Variants in CCDC178 observed in about 807,000 individuals in gnomAD.
CCDC178 encodes the protein coiled-coil domain containing 178.
In CCDC178, 126 loss-of-function variants were observed where a neutral mutation model predicts 117.4. The observed-to-expected ratio is 1.07, with a 90% confidence interval of 0.93 to 1.24. The LOEUF (loss-of-function observed/expected upper bound fraction) is 1.24. Among genes scored for constraint, CCDC178 ranks in the 50% most tolerant of loss-of-function variants. The probability of loss-of-function intolerance (pLI) is 0.00; values close to 1 mark genes in which losing one functional copy is unlikely to be tolerated. For missense variants in CCDC178, 1,030 were observed against 986.9 expected (o/e 1.04, Z -0.59); for synonymous variants, 283 against 313.4 (o/e 0.90, Z 1.02).
chr18:33,367,917 A>G (rs2063236559), intron 6 of CCDC178, among the ~76,000 whole-genome samples: 1 of 152,040 alleles, frequency 6.6e-6, no homozygotes, highest in Non-Finnish European at 1.5e-5. Context: ...ACTCGTATTT[A>G]TTTATTCATA....
intron 21 of CCDC178, among the ~76,000 whole-genome samples, chr18:33,089,423 C>T (rs575264287): frequency 6.6e-6 from 1 of 152,008 alleles, no homozygotes; most frequent in Admixed American, 6.6e-5. Context: ...ATAGCAAATT[C>T]CCCAGGATTA....
chr18:33,347,224 G>T (rs1398429428), intron 8 of CCDC178, among the ~76,000 whole-genome samples: 2 of 152,022 alleles, frequency 1.3e-5, no homozygotes, highest in African/African-American at 4.8e-5. Flanking sequence ...AAGAAATAAG[G>T]CCCCGAAAGA....
At position 33,010,399 on chromosome 18, in the gene CCDC178, G is replaced by A. The variant is rs560583447; in HGVS notation, c.2389-35718C>T. Among the ~76,000 whole-genome samples the A allele has an allele frequency of 5.7e-4, 87 of 152,272 alleles. 1 individual carries two copies. Among genetic ancestry groups the A allele is most frequent in the Middle Eastern group, 3.4e-3 (1 of 294 alleles). On this transcript the variant is annotated intron_variant, in intron 21 of 22. Coordinates refer to ENST00000383096, the MANE Select transcript of CCDC178 (RefSeq NM_001105528.4). ...TCACTGTCACCATTGTCAAAGCACT[G>A]TAGTGTGGGAAATGAACCACAAATA...
chr18:33,246,885 C>T (rs1215942343), intron 14 of CCDC178, among the ~76,000 whole-genome samples: 2 of 151,822 alleles, frequency 1.3e-5, no homozygotes, highest in Non-Finnish European at 1.5e-5. Flanking sequence ...ATGTTATCCC[C>T]AATATCATCT....
chr18:33,123,758 A>C (rs1009377949), intron 20 of CCDC178, among the ~76,000 whole-genome samples: 3 of 152,142 alleles, frequency 2.0e-5, no homozygotes, highest in Non-Finnish European at 4.4e-5. Flanking sequence ...CTTGTTGCCA[A>C]TTTGGGAGCT....
chr18:33,069,487 A>G (rs550597819), intron 21 of CCDC178, among the ~76,000 whole-genome samples: 2 of 152,250 alleles, frequency 1.3e-5, no homozygotes, highest in South Asian at 4.1e-4. Context: ...AGAAGAATTA[A>G]ACTATATTTC....
At chr18:33,383,402 C>T (rs2063460100) in intron 5 of CCDC178, among the ~76,000 whole-genome samples, 1 of 151,998 alleles carries the variant, frequency 6.6e-6, no homozygotes, top group Admixed American at 6.6e-5. Context: ...TTCCTTGACC[C>T]CCATGCCTCC....
At chr18:33,143,004 T>C (rs1372607261) in intron 20 of CCDC178, among the ~76,000 whole-genome samples, 1 of 152,166 alleles carries the variant, frequency 6.6e-6, no homozygotes, top group Non-Finnish European at 1.5e-5. Context: ...GTTATTCTCC[T>C]TATTAAAATA....
rs556306039 is a variant in CCDC178, at chr18:33,061,809, A to G, written c.2388+30952T>C. Among the ~76,000 whole-genome samples, 97 of 152,272 alleles carry G rather than the reference A, an allele frequency of 6.4e-4. 1 individual carries two copies. The highest frequency in any genetic ancestry group is 2.3e-3 in the African/African-American group (94 of 41,552). ...GATGTGTTTTTTTTCAGCAGTGGCA[A>G]GATTTGGCATGGTAGACATCTACAG... On this transcript the variant is annotated intron_variant, in intron 21 of 22. Coordinates refer to ENST00000383096, the MANE Select transcript of CCDC178 (RefSeq NM_001105528.4).
intron 20 of CCDC178, among the ~76,000 whole-genome samples, chr18:33,162,322 T>G (rs188482900): frequency 6.8e-4 from 103 of 152,318 alleles, no homozygotes; most frequent in Non-Finnish European, 1.9e-4. Context: ...CCCTAAAACT[T>G]AAAGTATAAT....
chr18:32,987,018 A>T (rs1340140745), intron 21 of CCDC178, among the ~76,000 whole-genome samples: 1 of 151,886 alleles, frequency 6.6e-6, no homozygotes, highest in Non-Finnish European at 1.5e-5. Context: ...CAAGAAAAGG[A>T]GGAGAAAAAA....
rs1049118915 is a variant in CCDC178, at chr18:33,383,381, CCCT to C, written c.208+6156_208+6158del. Among the ~76,000 whole-genome samples the C allele has an allele frequency of 2.4e-3, 370 of 152,106 alleles. 2 individuals carry two copies. The highest frequency in any genetic ancestry group is 8.6e-3 in the African/African-American group (355 of 41,508). The stretch of plus-strand genomic sequence containing the variant: ...CAGCTCCACTAAGGGACAGATGACC[CCCT>C]CAAGTGGTTCCTTGACCCCCATGCC... On this transcript the variant is annotated intron_variant, in intron 5 of 22. Transcript: ENST00000383096.
At chr18:33,294,214 T>G (rs1490089571) in intron 11 of CCDC178, among the ~76,000 whole-genome samples, 3 of 152,146 alleles carry the variant, frequency 2.0e-5, no homozygotes, top group Non-Finnish European at 4.4e-5. Flanking sequence ...AAATAAAATA[T>G]TATCTTCAGA....
At chr18:33,016,105 C>A (rs1280352619) in intron 21 of CCDC178, among the ~76,000 whole-genome samples, 2 of 152,008 alleles carry the variant, frequency 1.3e-5, no homozygotes, top group African/African-American at 4.8e-5. Context: ...ATAGAAATAT[C>A]ATAGTCAAAC....
Position 33,337,463 on chromosome 18 carries a change from G to T in CCDC178, c.659-4069C>A, listed in dbSNP as rs551264076. Among the ~76,000 whole-genome samples the T allele has an allele frequency of 7.9e-5, 12 of 152,160 alleles. No individual in the cohort carries two copies. The East Asian group carries it at 2.1e-3, about 27-fold the overall frequency. ...ACTATGTTGAATAAAAGTGGTGAAA[G>T]TGGGCATCCTTGTCTTGCTCCAGTT... is the stretch of plus-strand genomic sequence containing the variant. On this transcript the variant is annotated intron_variant, in intron 9 of 22. Transcript: ENST00000383096.
At chr18:33,078,358 T>C (rs867065259) in intron 21 of CCDC178, among the ~76,000 whole-genome samples, 7 of 152,104 alleles carry the variant, frequency 4.6e-5, no homozygotes, top group South Asian at 4.2e-4. Flanking sequence ...ACCATTCCCA[T>C]TGAAAACCAG....
chr18:33,344,854 C>T (rs866116995), intron 9 of CCDC178, among the ~76,000 whole-genome samples: 7 of 100,754 alleles, frequency 6.9e-5, no homozygotes, highest in African/African-American at 1.2e-4. Flanking sequence ...CACACACACA[C>T]ATATATTTAT....
rs869127341 is a variant in CCDC178 at position 33,314,200 on chromosome 18, C to CAAAAAAA, written c.1022+9284_1022+9290dup. Reference sequence around the variant, plus strand: ...TGGGTGACAGAGCGAGACTCCGTCTCAAAAAAAAAAAAAAAAAAAAAAAAA... The same window carrying CAAAAAAA: ...TGGGTGACAGAGCGAGACTCCGTCTCAAAAAAAAAAAAAAAAAAAAAAAAAAAAAAAA... On this transcript the variant is annotated intron_variant, in intron 11 of 22. Coordinates refer to ENST00000383096, the MANE Select transcript of CCDC178 (RefSeq NM_001105528.4). Among the ~76,000 whole-genome samples the CAAAAAAA allele has an allele frequency of 1.6e-3, 100 of 62,440 alleles. 1 individual carries two copies. The highest frequency in any genetic ancestry group is 2.4e-3 in the African/African-American group (37 of 15,572). 41.0% of individuals were successfully genotyped at this position (62,440 alleles called of 152,430 possible).
intron 5 of CCDC178, among the ~76,000 whole-genome samples, chr18:33,380,043 C>T (rs1353982134): frequency 1.3e-5 from 2 of 152,098 alleles, no homozygotes; most frequent in Non-Finnish European, 2.9e-5. Context: ...TAAGTGGGTA[C>T]TCTGAATGAC....
Sources: allele counts gnomAD v4.1 joint callset (sites outside exome capture counted in the v4.1 genomes callset), GRCh38; gene constraint gnomAD v4.1.1; transcripts MANE v1.5; gene names NCBI Gene and HGNC (gene_info 2026-07-23, HGNC 2026-07-21).